The following CSMD1 variants were observed in gnomAD, a reference collection of about 807,000 sequenced individuals.
CSMD1 encodes CUB and sushi domain-containing protein 1.
Under a neutral mutation model 417.5 loss-of-function variants are expected in CSMD1, and 213 were observed. That is an observed-to-expected ratio of 0.51 (90% CI 0.46 to 0.57). The LOEUF is 0.57. Ranked by LOEUF, CSMD1 falls within the 20% of genes least tolerant of loss-of-function variation. The probability of loss-of-function intolerance (pLI) is 0.00; values close to 1 mark genes in which losing one functional copy is unlikely to be tolerated. For missense variants in CSMD1, 6,923 were observed against 4,529.7 expected, an observed-to-expected ratio of 1.53 and a Z score of -15.17; for synonymous variants, 2,862 against 1,736.8, an observed-to-expected ratio of 1.65 and a Z score of -16.11.
intron 4 of CSMD1, among the ~76,000 whole-genome samples, chr8:4,028,642 C>G (rs1428739493): frequency 5.3e-5 from 8 of 152,124 alleles, no homozygotes; most frequent in Non-Finnish European, 1.2e-4. Context: ...AGATTAAAAG[C>G]CAGACTTGTG....
At chr8:3,595,688 G>A (rs1023776798) in intron 8 of CSMD1, among the ~76,000 whole-genome samples, 3 of 152,174 alleles carry the variant, frequency 2.0e-5, no homozygotes, top group African/African-American at 7.2e-5. Context: ...ACAATGAGGT[G>A]TGAATTTTTG....
chr8:3,753,645 T>G (rs902610092), intron 6 of CSMD1, among the ~76,000 whole-genome samples: 2 of 152,208 alleles, frequency 1.3e-5, no homozygotes, highest in African/African-American at 4.8e-5. Flanking sequence ...ACAGATTAGA[T>G]GCATAATAAT....
chr8:4,811,596 A>C (rs1490368847), intron 1 of CSMD1, among the ~76,000 whole-genome samples: 1 of 152,170 alleles, frequency 6.6e-6, no homozygotes, highest in Non-Finnish European at 1.5e-5. Context: ...GGCAATAATT[A>C]AAATGTCTTA....
At chr8:3,161,679 GA>G (rs1251068226) in intron 38 of CSMD1, among the ~76,000 whole-genome samples, 4 of 143,798 alleles carry the variant, frequency 2.8e-5, no homozygotes, top group African/African-American at 1.0e-4. Context: ...AAAGTTCATT[GA>G]AAAACTTCTA....
intron 7 of CSMD1, among the ~76,000 whole-genome samples, chr8:3,707,195 C>T (rs1289750030): frequency 6.6e-6 from 1 of 152,164 alleles, no homozygotes; most frequent in Non-Finnish European, 1.5e-5. Flanking sequence ...GTAGGTCAAT[C>T]TATAGTATCG....
chr8:4,596,864 T>G (rs1044729834), intron 2 of CSMD1, among the ~76,000 whole-genome samples: 1 of 152,220 alleles, frequency 6.6e-6, no homozygotes, highest in Non-Finnish European at 1.5e-5. Flanking sequence ...GGGGCTGATC[T>G]TTCCCATGCT....
At position 4,413,599 on chromosome 8, in the gene CSMD1, C is replaced by G. The variant is rs1047210449; in HGVS notation, c.415+6354G>C. On this transcript the variant is annotated intron_variant, in intron 3 of 69. Coordinates refer to ENST00000635120, the MANE Select transcript of CSMD1 (RefSeq NM_033225.6). ...ATAGCAAGAACGCTTATTATGAGAT[C>G]TACCCTTATAACGAATATTCAGTTG... Among the ~76,000 whole-genome samples, 3 of 152,106 alleles carry G rather than the reference C, an allele frequency of 2.0e-5. No homozygotes were observed. The South Asian group carries it at 6.2e-4, about 32-fold the overall frequency.
chr8:3,425,451 G>T (rs772157054), intron 12 of CSMD1, among the ~76,000 whole-genome samples: 2 of 151,980 alleles, frequency 1.3e-5, no homozygotes, highest in Non-Finnish European at 2.9e-5. Flanking sequence ...AGCTGGGCGT[G>T]GTGGCACCTG....
intron 41 of CSMD1, among the ~76,000 whole-genome samples, chr8:3,119,305 A>C (rs1356415600): frequency 6.6e-6 from 1 of 151,458 alleles, no homozygotes; most frequent in Non-Finnish European, 1.5e-5. Flanking sequence ...GAGTACTCCT[A>C]ACTGGAAAAT....
At chr8:4,823,181 G>T (rs1375255473) in intron 1 of CSMD1, among the ~76,000 whole-genome samples, 1 of 152,008 alleles carries the variant, frequency 6.6e-6, no homozygotes, top group Non-Finnish European at 1.5e-5. Context: ...TGTCAGATCT[G>T]TTTAAGCCTA....
intron 3 of CSMD1, among the ~76,000 whole-genome samples, chr8:4,304,928 C>A (rs10112948): frequency 2.0e-5 from 3 of 151,930 alleles, no homozygotes; most frequent in Non-Finnish European, 2.9e-5. Flanking sequence ...AGATGATGAA[C>A]AAGTACTCTT....
At chr8:4,938,897 C>T (rs10100264) in intron 1 of CSMD1, among the ~76,000 whole-genome samples, 34,739 of 151,952 alleles carry the variant, frequency 0.23, 4,137 homozygotes, top group East Asian at 0.38. Flanking sequence ...TGATTACTGA[C>T]GTTGAACCTC....
chr8:4,275,138 A>T (rs556570300), intron 3 of CSMD1, among the ~76,000 whole-genome samples: 35 of 152,316 alleles, frequency 2.3e-4, no homozygotes, highest in African/African-American at 8.2e-4. Flanking sequence ...GATAGTCAAT[A>T]AAAGAGTAGC....
intron 39 of CSMD1, among the ~76,000 whole-genome samples, chr8:3,153,091 C>T (rs1373979402): frequency 6.6e-6 from 1 of 152,164 alleles, no homozygotes; most frequent in Non-Finnish European, 1.5e-5. Flanking sequence ...AAATACAGGT[C>T]ACAAATACCT....
chr8:3,308,424 G>C lies in CSMD1; in HGVS notation c.3711C>G (p.Asp1237Glu), dbSNP rs1805058191. The change falls in exon 24 of 70, where the codon GAC (aspartate) becomes GAG (glutamate). Residue 1237 changes from aspartate to glutamate, a missense_variant. Coordinates refer to ENST00000635120, the MANE Select transcript of CSMD1 (RefSeq NM_033225.6). The part of the protein sequence containing the change: ...YRIRDEGHFT[D>E]TVVLYSCNPG... Reference sequence around the variant, plus strand: ...GGTTGCAACTGTACAGAACTACAGTGTCGGTAAAGTGGCCTTCATCACGGA... The same window carrying C: ...GGTTGCAACTGTACAGAACTACAGTCTCGGTAAAGTGGCCTTCATCACGGA... 8.7e-6 allele frequency: 14 copies of C among 1,613,682 alleles called. No homozygotes were observed. The highest frequency in any genetic ancestry group is 1.2e-5 in the Non-Finnish European group (14 of 1,179,670).
Position 4,461,555 on chromosome 8 carries a change from TG to T in CSMD1, c.303-41491del, listed in dbSNP as rs1300235646. ...AAAATCCATATTTTTTTTTGGTGGGTGGGGGTGGGGTGTTGGGGGATACATC... is the reference window on the plus strand; with the variant it reads ...AAAATCCATATTTTTTTTTGGTGGGTGGGGTGGGGTGTTGGGGGATACATC... On this transcript the variant is annotated intron_variant, in intron 2 of 69. Transcript: ENST00000635120. Among the ~76,000 whole-genome samples, 21 of 64,214 alleles carry T rather than the reference TG, an allele frequency of 3.3e-4. 1 individual carries two copies. Among genetic ancestry groups the T allele is most frequent in the Admixed American group, 2.8e-3 (16 of 5,720 alleles). The allele number at this position is 64,214 out of a possible 152,430, so 42.1% of individuals were successfully genotyped here. A position where few individuals can be genotyped will look rare whatever the true frequency, so the allele number is the denominator to read the frequency against.
At chr8:4,121,208 G>A (rs181681411) in intron 3 of CSMD1, among the ~76,000 whole-genome samples, 59 of 152,082 alleles carry the variant, frequency 3.9e-4, no homozygotes, top group East Asian at 1.4e-3. Flanking sequence ...TCTGCCTCTC[G>A]GGTTCAAGCA....
At chr8:3,141,905 C>T (rs1206523285) in intron 41 of CSMD1, among the ~76,000 whole-genome samples, 1 of 151,828 alleles carries the variant, frequency 6.6e-6, no homozygotes, top group Non-Finnish European at 1.5e-5. Context: ...TCACGCCACT[C>T]TCCTGCCTCA....
intron 3 of CSMD1, among the ~76,000 whole-genome samples, chr8:4,231,501 A>C (rs1801730323): frequency 7.4e-6 from 1 of 134,874 alleles, no homozygotes; most frequent in East Asian, 2.2e-4. Context: ...CCCTTCAATT[A>C]GGAGACATAA....
Sources: gnomAD v4.1 joint callset for allele counts (sites outside exome capture counted in the v4.1 genomes callset) on GRCh38, gnomAD v4.1.1 for gene constraint, MANE v1.5 for transcripts, NCBI Gene and HGNC (gene_info 2026-07-23, HGNC 2026-07-21) for gene names.